ENTREP2: variants seen among roughly 807,000 people sequenced by gnomAD.
ENTREP2 encodes the protein protein ENTREP2.
At chr15:29,119,281 G>A in the ENTREP2 span, among the ~76,000 whole-genome samples, 34 of 10,506 alleles carry the variant, frequency 3.2e-3, 8 homozygotes, top group African/African-American at 3.8e-3. Context: ...TAAGAATGAT[G>A]AGTTCATGTC....
the ENTREP2 span, among the ~76,000 whole-genome samples, chr15:29,133,301 G>A: frequency 1.3e-5 from 2 of 152,142 alleles, no homozygotes; most frequent in South Asian, 2.1e-4. Context: ...TGCTCTCAAA[G>A]TGGGAGCAGC....
chr15:29,319,823 CA>C, the ENTREP2 span, among the ~76,000 whole-genome samples: 4 of 152,156 alleles, frequency 2.6e-5, no homozygotes, highest in African/African-American at 9.7e-5. Flanking sequence ...TTAATTCTGA[CA>C]AATTGCTGGA....
chr15:29,300,372 T>C, the ENTREP2 span, among the ~76,000 whole-genome samples: 1 of 138,602 alleles, frequency 7.2e-6, no homozygotes, highest in Non-Finnish European at 1.5e-5. Context: ...AATGCATGGA[T>C]GGATGGATGG....
At chr15:29,416,153 G>T in the ENTREP2 span, among the ~76,000 whole-genome samples, 276 of 152,190 alleles carry the variant, frequency 1.8e-3, no homozygotes, top group Middle Eastern at 3.4e-3. Context: ...CTACTTTAAA[G>T]TTCATATGGA....
At chr15:29,671,914 G>T in the ENTREP2 span, among the ~76,000 whole-genome samples, 106 of 152,340 alleles carry the variant, frequency 7.0e-4, no homozygotes, top group Non-Finnish European at 1.2e-3. Flanking sequence ...CAGTGGCACA[G>T]AATTGGCAGT....
At chr15:29,269,659 T>C in the ENTREP2 span, 8 of 1,566,548 alleles carry the variant, frequency 5.1e-6, no homozygotes, top group Non-Finnish European at 6.9e-6. Context: ...TCTGTCCCTC[T>C]CGGCCTGGCC....
the ENTREP2 span, among the ~76,000 whole-genome samples, chr15:29,330,763 ATATTGGC>A: frequency 3.0e-4 from 45 of 152,360 alleles, no homozygotes; most frequent in Non-Finnish European, 4.3e-4. Flanking sequence ...TAATGTAGCG[ATATTGGC>A]TCATTCATTT....
chr15:29,415,316 C>T, the ENTREP2 span, among the ~76,000 whole-genome samples: 1 of 152,174 alleles, frequency 6.6e-6, no homozygotes, highest in Non-Finnish European at 1.5e-5. Flanking sequence ...ATCAAGTGGG[C>T]TTCATCCCTG....
the ENTREP2 span, among the ~76,000 whole-genome samples, chr15:29,229,129 C>G: frequency 4.5e-4 from 68 of 152,002 alleles, 1 homozygote; most frequent in Non-Finnish European, 1.3e-4. Flanking sequence ...TAAAACTGAA[C>G]TATCAATTTT....
chr15:29,673,739 T>A, the ENTREP2 span, among the ~76,000 whole-genome samples: 1 of 152,208 alleles, frequency 6.6e-6, no homozygotes, highest in Admixed American at 6.5e-5. Flanking sequence ...CTGTTATTGT[T>A]TTTGTTTCAA....
chr15:29,575,028 G>A, the ENTREP2 span, among the ~76,000 whole-genome samples: 1 of 152,194 alleles, frequency 6.6e-6, no homozygotes, highest in African/African-American at 2.4e-5. Context: ...GGAGAGGTGT[G>A]TGCAGCACGT....
chr15:29,409,942 G>A, the ENTREP2 span, among the ~76,000 whole-genome samples: 3 of 152,132 alleles, frequency 2.0e-5, no homozygotes, highest in African/African-American at 4.8e-5. Flanking sequence ...CCCGATACCT[G>A]AGCATATCTT....
the ENTREP2 span, among the ~76,000 whole-genome samples, chr15:29,588,382 C>T: frequency 3.3e-5 from 5 of 152,114 alleles, no homozygotes; most frequent in African/African-American, 7.2e-5. Flanking sequence ...GCAGGAGAAT[C>T]GCTTGAACCT....
chr15:29,145,111 G>C, the ENTREP2 span, among the ~76,000 whole-genome samples: 1 of 152,032 alleles, frequency 6.6e-6, no homozygotes, highest in African/African-American at 2.4e-5. Flanking sequence ...CCAACAAACG[G>C]AAGAGGAAGA....
At chr15:29,447,653 AT>A in the ENTREP2 span, among the ~76,000 whole-genome samples, 893 of 141,152 alleles carry the variant, frequency 6.3e-3, 4 homozygotes, top group Middle Eastern at 7.4e-3. Context: ...GACCTGGCTG[AT>A]TTTTTTTTTT....
chr15:29,469,637 G>A, the ENTREP2 span, among the ~76,000 whole-genome samples: 5 of 152,194 alleles, frequency 3.3e-5, no homozygotes, highest in Non-Finnish European at 7.3e-5. Context: ...AGGTGAAAAC[G>A]TTATAGAGAT....
At chr15:29,444,244 A>AAGAAAG in the ENTREP2 span, among the ~76,000 whole-genome samples, 1 of 138,836 alleles carries the variant, frequency 7.2e-6, no homozygotes, top group Non-Finnish European at 1.6e-5. Flanking sequence ...GAAAGAAAGA[A>AAGAAAG]AGAAAGAGAA....
At chr15:29,267,979 G>C in the ENTREP2 span, 2 of 152,110 alleles carry the variant, frequency 1.3e-5, no homozygotes, top group African/African-American at 2.4e-5. Context: ...GCCTTTTTGA[G>C]ATCCACAGTG....
At chr15:29,504,130 T>C in the ENTREP2 span, among the ~76,000 whole-genome samples, 1 of 152,178 alleles carries the variant, frequency 6.6e-6, no homozygotes, top group African/African-American at 2.4e-5. Context: ...TTGACGATTA[T>C]AGTGACATTA....
Sources: allele counts gnomAD v4.1 joint callset (sites outside exome capture counted in the v4.1 genomes callset), GRCh38; gene constraint gnomAD v4.1.1; transcripts MANE v1.5; gene names NCBI Gene and HGNC (gene_info 2026-07-23, HGNC 2026-07-21).